Variants in RET observed in about 807,000 individuals in gnomAD.
RET encodes proto-oncogene tyrosine-protein kinase receptor Ret.
RET carries 19 observed loss-of-function variants against 118.3 expected under a neutral mutation model. That is an observed-to-expected ratio of 0.16 (90% CI 0.11 to 0.24). The LOEUF is 0.24. Among genes scored for constraint, RET ranks in the 10% least tolerant of loss-of-function variants. The pLI, the probability that RET is intolerant of heterozygous loss-of-function variation, is 1.00. For missense variants in RET, 1,219 were observed against 1,502.1 expected, an observed-to-expected ratio of 0.81 and a Z score of 3.12; for synonymous variants, 597 against 644.1, an observed-to-expected ratio of 0.93 and a Z score of 1.11.
chr10:43,087,262 A>G (rs1442494262), intron 1 of RET, among the ~76,000 whole-genome samples: 2 of 152,128 alleles, frequency 1.3e-5, no homozygotes, highest in African/African-American at 4.8e-5. Flanking sequence ...GCTACTGGCC[A>G]CCCTGCCTGG....
intron 1 of RET, among the ~76,000 whole-genome samples, chr10:43,095,341 G>A (rs1449308041): frequency 6.6e-6 from 1 of 152,104 alleles, no homozygotes; most frequent in Non-Finnish European, 1.5e-5. Flanking sequence ...GAAAAGGCAG[G>A]TGTAACAACC....
chr10:43,093,115 T>C (rs1159536742), intron 1 of RET, among the ~76,000 whole-genome samples: 2 of 152,172 alleles, frequency 1.3e-5, no homozygotes, highest in Non-Finnish European at 2.9e-5. Context: ...GTAGGCACCC[T>C]GTAAGAGTGA....
At chr10:43,101,754 A>G (rs532711384) in intron 2 of RET, among the ~76,000 whole-genome samples, 1 of 152,342 alleles carries the variant, frequency 6.6e-6, no homozygotes, top group South Asian at 2.1e-4. Flanking sequence ...GAGTTTGTGT[A>G]AAGAATTAAT....
At chr10:43,116,493 G>A (rs1004259518) in intron 11 of RET, 91 bp from the exon 12 acceptor site, 2 of 1,483,414 alleles carry the variant, frequency 1.3e-6, no homozygotes, top group African/African-American at 1.4e-5. Flanking sequence ...ACTTGTCCAT[G>A]GGGCCTCCTT....
chr10:43,106,552 G>A lies in RET; in HGVS notation c.1044G>A (p.Arg348=). 1 of 1,613,630 alleles carries A rather than the reference G, an allele frequency of 6.2e-7. No homozygotes were observed. The highest frequency in any genetic ancestry group is 8.5e-7 in the Non-Finnish European group (1 of 1,179,746). The change falls in exon 5 of 20, where the codon CGG becomes CGA. Residue 348 remains arginine (R), a synonymous_variant. Coordinates refer to ENST00000355710, the MANE Select transcript of RET (RefSeq NM_020975.6). The surrounding 1 kb of genome is among the most constrained non-coding windows in gnomAD (Gnocchi z 5.1). The part of the protein sequence containing the change: ...TSVQANGSFV[R]ATVHDYRLVL... ...TCCAGGCCAACGGCAGCTTCGTGCG[G>A]GCGACCGTACATGACTATAGTAAGA... is the stretch of plus-strand genomic sequence containing the variant.
At chr10:43,088,070 CGGT>C (rs1837328448) in intron 1 of RET, among the ~76,000 whole-genome samples, 1 of 149,498 alleles carries the variant, frequency 6.7e-6, no homozygotes, top group Non-Finnish European at 1.5e-5. Context: ...ATGGTGAAGA[CGGT>C]GGTGGTGGAC....
intron 1 of RET, among the ~76,000 whole-genome samples, chr10:43,096,575 GCCGTT>G (rs1336945017): frequency 6.6e-6 from 1 of 152,112 alleles, no homozygotes; most frequent in Non-Finnish European, 1.5e-5. Context: ...ACCTGCACTG[GCCGTT>G]CCTCCTCTCC....
At chr10:43,085,620 G>A (rs1054913375) in intron 1 of RET, among the ~76,000 whole-genome samples, 5 of 152,188 alleles carry the variant, frequency 3.3e-5, no homozygotes, top group Non-Finnish European at 7.4e-5. Flanking sequence ...GCTGAGAGGA[G>A]CTTACACATC....
intron 2 of RET, 43 bp from the exon 3 acceptor site, chr10:43,102,299 C>T (rs1419081989): frequency 1.9e-6 from 3 of 1,609,928 alleles, no homozygotes; most frequent in Admixed American, 1.7e-5. Flanking sequence ...GACTGCCTGG[C>T]AGATGTGGCC....
intron 1 of RET, among the ~76,000 whole-genome samples, chr10:43,097,512 C>CA (rs1432370088): frequency 1.3e-5 from 2 of 152,118 alleles, no homozygotes; most frequent in African/African-American, 4.8e-5. Flanking sequence ...CATGGATAGC[C>CA]CAGACATAGG....
chr10:43,086,852 TA>T (rs1837299015), intron 1 of RET, among the ~76,000 whole-genome samples: 1 of 152,218 alleles, frequency 6.6e-6, no homozygotes, highest in African/African-American at 2.4e-5. Context: ...TCGTGCAGCT[TA>T]GGGCCTGGGC....
chr10:43,112,809 C>T (rs375495515), intron 8 of RET, 44 bp from the exon 9 acceptor site: 32 of 1,512,524 alleles, frequency 2.1e-5, no homozygotes, highest in African/African-American at 5.5e-5. Flanking sequence ...GGGCGTGTGG[C>T]GGGGCTCCCA....
rs878855062 is a variant in RET at position 43,128,125 on chromosome 10, G to C, written c.3201G>C (p.Pro1067=). Residue 1067 remains proline (P), a synonymous_variant, in exon 20 of 20, where the codon CCG becomes CCC. Transcript: ENST00000355710. The stretch of plus-strand genomic sequence containing the variant: ...TTTCATTTTTAGGCATGTCAGACCC[G>C]AACTGGCCTGGAGAGAGTCCTGTAC... ...IENKLYGMSD[P]NWPGESPVPL... 6 of 1,614,154 alleles carry C rather than the reference G, an allele frequency of 3.7e-6. No individual in the cohort carries two copies. The highest frequency in any genetic ancestry group is 5.1e-6 in the Non-Finnish European group (6 of 1,180,046).
At chr10:43,108,078 C>T (rs1820537391) in intron 5 of RET, among the ~76,000 whole-genome samples, 1 of 151,954 alleles carries the variant, frequency 6.6e-6, no homozygotes, top group Non-Finnish European at 1.5e-5. Flanking sequence ...GGCATAGTGG[C>T]TCACGCCTGT....
In RET at chr10:43,120,561, G is replaced by A. The variant is rs1838192493; in HGVS notation, c.2730+358G>A. The stretch of plus-strand genomic sequence containing the variant: ...GACCTTAGCTCTTTTCTCAAAGAAG[G>A]GTGGGATGAAATTAGCAGGATCGTC... On this transcript the variant is annotated intron_variant, in intron 15 of 19. Coordinates refer to ENST00000355710, the MANE Select transcript of RET (RefSeq NM_020975.6). Among the ~76,000 whole-genome samples, 2 of 152,240 alleles carry A rather than the reference G, an allele frequency of 1.3e-5. 1 individual carries two copies. The highest frequency in any genetic ancestry group is 4.1e-4 in the South Asian group (2 of 4,836).
Position 43,116,446 on chromosome 10 carries a change from G to A in RET, c.2137-138G>A, listed in dbSNP as rs943029302. ...CAGGGCAGAGACAGGCAGCGTTGCC[G>A]CTGGCTCAGATGACAGCCGGTTCTC... On this transcript the variant is annotated intron_variant, in intron 11 of 19. Transcript: ENST00000355710. The A allele has an allele frequency of 9.4e-5, 103 of 1,090,918 alleles. 1 individual carries two copies. The highest frequency in any genetic ancestry group is 1.3e-4 in the Non-Finnish European group (92 of 718,302). 67.6% of individuals were successfully genotyped at this position (1,090,918 alleles called of 1,614,324 possible).
chr10:43,088,054 G>A (rs1043760052), intron 1 of RET, among the ~76,000 whole-genome samples: 1 of 152,032 alleles, frequency 6.6e-6, no homozygotes, highest in African/African-American at 2.4e-5. Flanking sequence ...GGTGGTGGTG[G>A]TGGTGATGGT....
At chr10:43,107,608 T>C (rs1837814392) in intron 5 of RET, among the ~76,000 whole-genome samples, 1 of 145,956 alleles carries the variant, frequency 6.9e-6, no homozygotes, top group African/African-American at 2.5e-5. Context: ...CACACCCTGT[T>C]ACCCAAAAAA....
rs1310777093 is a variant in RET, at chr10:43,106,209, G to A, written c.868-167G>A. Among the ~76,000 whole-genome samples, 17 of 152,226 alleles carry A rather than the reference G, an allele frequency of 1.1e-4. No homozygotes were observed. Among genetic ancestry groups the A allele is most frequent in the African/African-American group, 3.6e-4 (15 of 41,458 alleles). ...GACGGCCAGGCTGGCCAGTGACCCC[G>A]TGGGAACTTGAACCCAGGTCAGACT... On this transcript the variant is annotated intron_variant, in intron 4 of 19. Transcript: ENST00000355710. The surrounding 1 kb of genome is among the most constrained non-coding windows in gnomAD (Gnocchi z 5.1).
Sources: allele counts gnomAD v4.1 joint callset (sites outside exome capture counted in the v4.1 genomes callset), GRCh38; gene constraint gnomAD v4.1.1; non-coding constraint Gnocchi (gnomAD v3.1); transcripts MANE v1.5; gene names NCBI Gene and HGNC (gene_info 2026-07-23, HGNC 2026-07-21).